FARS2: variants seen among roughly 807,000 people sequenced by gnomAD.
The protein encoded by FARS2 is phenylalanyl-tRNA synthetase 2, mitochondrial.
Under a neutral mutation model 46.4 loss-of-function variants are expected in FARS2, and 40 were observed. The observed-to-expected ratio is 0.86, with a 90% CI of 0.67 to 1.12. FARS2 has a LOEUF of 1.12. Ranked by LOEUF, FARS2 falls within the 50% of genes most tolerant of loss-of-function variation. The probability of loss-of-function intolerance (pLI) is 0.00; values close to 1 mark genes in which losing one functional copy is unlikely to be tolerated. For synonymous variants in FARS2, 234 were observed against 214.9 expected (o/e 1.09, Z -0.78); for missense variants, 513 against 567.9 (o/e 0.90, Z 0.98).
At chr6:5,454,552 G>A (rs1764717259) in intron 4 of FARS2, among the ~76,000 whole-genome samples, 1 of 152,074 alleles carries the variant, frequency 6.6e-6, no homozygotes, top group South Asian at 2.1e-4. Context: ...CACCGTGTTA[G>A]CCAGGATGGT....
chr6:5,340,209 G>A (rs573772043), intron 1 of FARS2, among the ~76,000 whole-genome samples: 1 of 152,302 alleles, frequency 6.6e-6, no homozygotes, highest in South Asian at 2.1e-4. Flanking sequence ...TGATAAGGTA[G>A]CAACTAGTCA....
At chr6:5,726,527 C>T (rs932133600) in intron 6 of FARS2, among the ~76,000 whole-genome samples, 2 of 152,184 alleles carry the variant, frequency 1.3e-5, no homozygotes, top group African/African-American at 2.4e-5. Context: ...CAGTGGCACT[C>T]GTGTTAAGAT....
At chr6:5,662,300 T>A (rs1473752443) in intron 6 of FARS2, among the ~76,000 whole-genome samples, 2 of 152,242 alleles carry the variant, frequency 1.3e-5, no homozygotes, top group Non-Finnish European at 2.9e-5. Flanking sequence ...CAGTTCTACA[T>A]GCATGTTATT....
At chr6:5,504,437 TAA>T (rs143444280) in intron 4 of FARS2, among the ~76,000 whole-genome samples, 60,794 of 126,526 alleles carry the variant, frequency 0.48, 13,755 homozygotes, top group Non-Finnish European at 0.55. Flanking sequence ...TGCTTTCCAG[TAA>T]AAAAAAAAAA....
intron 4 of FARS2, among the ~76,000 whole-genome samples, chr6:5,503,661 G>T (rs979315161): frequency 6.6e-6 from 1 of 151,922 alleles, no homozygotes; most frequent in Non-Finnish European, 1.5e-5. Flanking sequence ...GTATCCAAAC[G>T]AGTTGTGATA....
chr6:5,290,596 G>T (rs1767434984), intron 1 of FARS2, among the ~76,000 whole-genome samples: 1 of 152,196 alleles, frequency 6.6e-6, no homozygotes. Context: ...AAAATTCTAG[G>T]TTGACATACT....
intron 5 of FARS2, among the ~76,000 whole-genome samples, chr6:5,546,288 A>C: frequency 7.3e-6 from 1 of 137,322 alleles, no homozygotes; most frequent in African/African-American, 2.8e-5. Context: ...ACAGAATCTC[A>C]CTCTGTCGCC....
At chr6:5,334,614 T>G (rs1771029846) in intron 1 of FARS2, among the ~76,000 whole-genome samples, 1 of 152,134 alleles carries the variant, frequency 6.6e-6, no homozygotes, top group Admixed American at 6.5e-5. Context: ...CAAGAAGAGG[T>G]GCACAGCAGT....
intron 5 of FARS2, among the ~76,000 whole-genome samples, chr6:5,552,133 T>TA (rs892237687): frequency 6.6e-6 from 1 of 152,172 alleles, no homozygotes; most frequent in Admixed American, 6.5e-5. Context: ...TCTTTAGGGA[T>TA]AAAAAATAAG....
intron 4 of FARS2, among the ~76,000 whole-genome samples, chr6:5,457,308 C>T (rs1370553587): frequency 1.3e-5 from 2 of 152,206 alleles, no homozygotes; most frequent in African/African-American, 4.8e-5. Flanking sequence ...TCAGAGCTTG[C>T]CAGCACCCTG....
At chr6:5,466,990 C>G (rs1765551029) in intron 4 of FARS2, 1 of 985,268 alleles carries the variant, frequency 1.0e-6, no homozygotes, top group Non-Finnish European at 1.2e-6. Flanking sequence ...TCAGTTCGTG[C>G]AACAGATGTC....
intron 6 of FARS2, among the ~76,000 whole-genome samples, chr6:5,656,940 T>C (rs561906752): frequency 2.6e-5 from 4 of 152,234 alleles, no homozygotes; most frequent in Non-Finnish European, 5.9e-5. Flanking sequence ...ATACCGTATA[T>C]GTCTTAGTGC....
chr6:5,565,549 A>G (rs543258474), intron 5 of FARS2, among the ~76,000 whole-genome samples: 70 of 152,350 alleles, frequency 4.6e-4, no homozygotes, highest in African/African-American at 1.6e-3. Flanking sequence ...TGACAAGTTT[A>G]TTTATCTTCA....
At chr6:5,261,441 G>A (rs958448557), upstream of FARS2, 1 of 152,924 alleles carries the variant, frequency 6.5e-6, no homozygotes, top group Non-Finnish European at 1.5e-5. Flanking sequence ...GTCTGGGTGT[G>A]GAGGTGATGA....
intron 6 of FARS2, among the ~76,000 whole-genome samples, chr6:5,617,606 T>C (rs1384014592): frequency 6.6e-6 from 1 of 152,254 alleles, no homozygotes; most frequent in East Asian, 1.9e-4. Context: ...TAGATGTGTT[T>C]AGTGGTATTT....
At chr6:5,423,197 G>C (rs751827189) in intron 3 of FARS2, among the ~76,000 whole-genome samples, 1 of 151,994 alleles carries the variant, frequency 6.6e-6, no homozygotes, top group Non-Finnish European at 1.5e-5. Flanking sequence ...GAGGAGGATC[G>C]AGGACCAAAG....
rs182666861 is a variant in FARS2 at position 5,384,300 on chromosome 6, G to A, written c.612+15118G>A. ...AAGTGCTGGAAAGTATAGTCATTGC[G>A]ATATGTCAGGATTAATAAAAGCAGG... On this transcript the variant is annotated intron_variant, in intron 2 of 6. Transcript: ENST00000274680. Among the ~76,000 whole-genome samples, 289 of 152,268 alleles carry A rather than the reference G, an allele frequency of 1.9e-3. 3 individuals are homozygous for A. The highest frequency in any genetic ancestry group is 3.5e-3 in the South Asian group (17 of 4,822).
At chr6:5,710,549 C>T (rs1342834421) in intron 6 of FARS2, among the ~76,000 whole-genome samples, 2 of 152,044 alleles carry the variant, frequency 1.3e-5, no homozygotes, top group South Asian at 2.1e-4. Flanking sequence ...TGCGGCTTCC[C>T]CCGCTCACTT....
intron 1 of FARS2, among the ~76,000 whole-genome samples, chr6:5,357,621 T>C (rs190970543): frequency 6.6e-6 from 1 of 152,356 alleles, no homozygotes; most frequent in East Asian, 1.9e-4. Flanking sequence ...TGGGAAGATG[T>C]GTTTTGACTT....
Sources: gnomAD v4.1 joint callset for allele counts (sites outside exome capture counted in the v4.1 genomes callset) on GRCh38, gnomAD v4.1.1 for gene constraint, MANE v1.5 for transcripts, NCBI Gene and HGNC (gene_info 2026-07-23, HGNC 2026-07-21) for gene names.